PLXNB1: variants seen among roughly 807,000 people sequenced by gnomAD.
PLXNB1 encodes the protein plexin B1.
In PLXNB1, 106 loss-of-function variants were observed where a neutral mutation model predicts 209.4. The observed-to-expected ratio is 0.51, with a 90% CI of 0.43 to 0.59. The LOEUF is 0.59. Ranked by LOEUF, PLXNB1 falls within the 20% of genes least tolerant of loss-of-function variation. PLXNB1 has a pLI of 0.00. For missense variants in PLXNB1, 2,357 were observed against 2,853.2 expected (o/e 0.83, Z 3.96); for synonymous variants, 1,167 against 1,183.2 (o/e 0.99, Z 0.28).
Position 48,419,022 on chromosome 3 carries a change from A to T in PLXNB1, c.2850T>A (p.Asn950Lys). ...LHLFQDGPGD[N>K]ECVMELEGLE... ...GGCCCTCCAGCTCCATCACACACTC[A>T]TTGTCTCCTGGGCCATCCTGAGGGC... Residue 950 changes from asparagine (N) to lysine (K), a missense_variant, in exon 13 of 38, where the codon AAT becomes AAA. Around this residue, in one of 7 missense-constraint regions of PLXNB1, gnomAD observed 410 missense variants for 401.0 expected, o/e 1.02. Transcript: ENST00000296440. The surrounding 1 kb of genome is among the most constrained non-coding windows in gnomAD (Gnocchi z 5.7). The T allele has an allele frequency of 6.2e-7, 1 of 1,613,906 alleles. No homozygotes were observed. The highest frequency in any genetic ancestry group is 8.5e-7 in the Non-Finnish European group (1 of 1,179,954).
intron 37 of PLXNB1, among the ~76,000 whole-genome samples, chr3:48,404,953 G>A (rs952266409): frequency 2.6e-5 from 4 of 152,294 alleles, no homozygotes; most frequent in Middle Eastern, 6.8e-3. Flanking sequence ...GACCAGACAC[G>A]TGGTGGGAAA....
chr3:48,413,889 A>G lies in PLXNB1; in HGVS notation c.4386+6T>C. 1 of 1,606,916 alleles carries G rather than the reference A, an allele frequency of 6.2e-7. No individual in the cohort carries two copies. The highest frequency in any genetic ancestry group is 8.5e-7 in the Non-Finnish European group (1 of 1,175,112). On this transcript the variant is annotated splice_donor_region_variant and intron_variant, in intron 22 of 37. Coordinates refer to ENST00000296440, the MANE Select transcript of PLXNB1 (RefSeq NM_001130082.3). The surrounding 1 kb of genome is among the most constrained non-coding windows in gnomAD (Gnocchi z 5.4). The stretch of plus-strand genomic sequence containing the variant: ...GCCCAGCCCGGCCAGGGACCTGCCC[A>G]CTGACCGTGAACTCAGGCAAAGAGT...
Position 48,414,147 on chromosome 3 carries a change from C to T in PLXNB1, c.4210-76G>A, listed in dbSNP as rs995825897. ...TGTCCTCCCCAAATGTGGGAAGGAC[C>T]CTGAGACCCAGCCGCAGCAGCAAAG... On this transcript the variant is annotated intron_variant, in intron 21 of 37. Coordinates refer to ENST00000296440, the MANE Select transcript of PLXNB1 (RefSeq NM_001130082.3). 9.8e-6 allele frequency: 14 copies of T among 1,432,802 alleles called. No individual in the cohort carries two copies. The Admixed American group carries it at 2.4e-4, about 24-fold the overall frequency. 88.8% of individuals were successfully genotyped at this position (1,432,802 alleles called of 1,614,324 possible).
Position 48,405,324 on chromosome 3 carries a change from C to A in PLXNB1, c.6303+400G>T, listed in dbSNP as rs1163057869. On this transcript the variant is annotated intron_variant, in intron 37 of 37. Transcript: ENST00000296440. The surrounding 1 kb of genome is among the most constrained non-coding windows in gnomAD (Gnocchi z 5.0). ...AAAGCTTCACCAGCTCCAGTGTACCCTCACACCCCTGGCCCTGTGCCTGGA... is the reference window on the plus strand; with the variant it reads ...AAAGCTTCACCAGCTCCAGTGTACCATCACACCCCTGGCCCTGTGCCTGGA... 6.6e-6 allele frequency among the ~76,000 whole-genome samples: 1 copy of A among 152,208 alleles called. No homozygotes were observed. Among genetic ancestry groups the A allele is most frequent in the Non-Finnish European group, 1.5e-5 (1 of 68,044 alleles).
rs2038669958 is a variant in PLXNB1, at chr3:48,423,489, C to T, written c.1107+16G>A. On this transcript the variant is annotated intron_variant, in intron 3 of 37. Transcript: ENST00000296440. ...GCCTCAGAGAGGCGGAAAAGTGGGG[C>T]AATACTGGAACTCACCACTGGCAGC... 1.2e-6 allele frequency: 2 copies of T among 1,602,808 alleles called. No individual in the cohort carries two copies. Among genetic ancestry groups the T allele is most frequent in the East Asian group, 4.5e-5 (2 of 44,626 alleles).
chr3:48,417,831 G>A lies in PLXNB1; in HGVS notation c.3374+80C>T. 7.1e-7 allele frequency: 1 copy of A among 1,416,636 alleles called. No homozygotes were observed. 87.8% of individuals were successfully genotyped at this position (1,416,636 alleles called of 1,614,324 possible). On this transcript the variant is annotated intron_variant, in intron 16 of 37. Coordinates refer to ENST00000296440, the MANE Select transcript of PLXNB1 (RefSeq NM_001130082.3). The surrounding 1 kb of genome is among the most constrained non-coding windows in gnomAD (Gnocchi z 4.4). ...GGAGAGAGGGGGGCAGATGAGCGGT[G>A]GGTGGGAGGCCCCAAGCAGCAACGC...
Position 48,410,917 on chromosome 3 carries a change from A to T in PLXNB1, c.5367T>A (p.Tyr1789Ter). 6.2e-7 allele frequency: 1 copy of T among 1,613,670 alleles called. No individual in the cohort carries two copies. The highest frequency in any genetic ancestry group is 8.5e-7 in the Non-Finnish European group (1 of 1,179,826). The change falls in exon 29 of 38, where the codon TAT becomes TAA. Residue 1789 changes from tyrosine to a stop codon, truncating the protein, a stop_gained. Transcript: ENST00000296440. LOFTEE classifies it high-confidence loss of function. This position sits in a 1 kb window ranked among gnomAD's most constrained non-coding sequence, Gnocchi z 6.4. ...QAKEKMLDQL[Y>*]KGVPLTQRPD... ...GCCGCTGGGTGAGAGGCACTCCTTTATAAAGCTGGTCCAGCATCTTCTCCT... is the reference window on the plus strand; with the variant it reads ...GCCGCTGGGTGAGAGGCACTCCTTTTTAAAGCTGGTCCAGCATCTTCTCCT...
Position 48,416,178 on chromosome 3 carries a change from G to T in PLXNB1, c.3481-11C>A. 1.3e-6 allele frequency: 2 copies of T among 1,597,592 alleles called. No individual in the cohort carries two copies. Among genetic ancestry groups the T allele is most frequent in the Non-Finnish European group, 8.5e-7 (1 of 1,172,212 alleles). On this transcript the variant is annotated splice_polypyrimidine_tract_variant and intron_variant, in intron 17 of 37. Transcript: ENST00000296440. This position sits in a 1 kb window ranked among gnomAD's most constrained non-coding sequence, Gnocchi z 4.1. ...ATGGACCTTCGGATCCTGTGGGACA[G>T]ACAGGGAGAGAGATGAGCATCAGAC... is the stretch of plus-strand genomic sequence containing the variant.
At chr3:48,421,017 C>T (rs754105992) in intron 8 of PLXNB1, 61 bp from the exon 9 acceptor site, 163 of 1,428,286 alleles carry the variant, frequency 1.1e-4, no homozygotes, top group Non-Finnish European at 9.3e-5. Context: ...GACCCAGAGC[C>T]GATATCCTGA....
rs1560049220 is a variant in PLXNB1, at chr3:48,410,881, G to GC, written c.5402dup (p.Thr1802HisfsTer3). The GC allele has an allele frequency of 6.2e-7, 1 of 1,611,398 alleles. No homozygotes were observed. The highest frequency in any genetic ancestry group is 8.5e-7 in the Non-Finnish European group (1 of 1,178,960). ...CCACGCCCTCACCAACATCAAGGGT[G>GC]CGAGGGTCTGGCCGCTGGGTGAGAG... On this transcript the variant is annotated frameshift_variant, in exon 29 of 38. Coordinates refer to ENST00000296440, the MANE Select transcript of PLXNB1 (RefSeq NM_001130082.3). LOFTEE classifies it high-confidence loss of function. The surrounding 1 kb of genome is among the most constrained non-coding windows in gnomAD (Gnocchi z 6.4).
chr3:48,421,992 TG>T, intron 6 of PLXNB1, 112 bp downstream of exon 6: 1 of 1,289,680 alleles, frequency 7.8e-7, no homozygotes, highest in Non-Finnish European at 1.1e-6. Context: ...TTGGGGTGTC[TG>T]GGGATCAGGG....
At position 48,421,721 on chromosome 3, in the gene PLXNB1, C is replaced by T. The variant is rs777437553; in HGVS notation, c.1606G>A (p.Val536Met). Residue 536 changes from valine (V) to methionine (M), a missense_variant, in exon 7 of 38, where the codon GTG becomes ATG. Around this residue, in one of 7 missense-constraint regions of PLXNB1, gnomAD observed 214 missense variants for 297.1 expected, o/e 0.72. Coordinates refer to ENST00000296440, the MANE Select transcript of PLXNB1 (RefSeq NM_001130082.3). The part of the protein sequence containing the change: ...SFQPELGCLQ[V>M]AAMSPANISR... ...ATGTTGGCAGGACTCATGGCTGCCA[C>T]TTGCAGACAGCCCAGCTCAGGCTGG... The T allele has an allele frequency of 4.3e-6, 7 of 1,610,084 alleles. No individual in the cohort carries two copies. The highest frequency in any genetic ancestry group is 5.1e-6 in the Non-Finnish European group (6 of 1,176,768).
In PLXNB1 at chr3:48,415,706, G is replaced by A. The variant is rs778301118; in HGVS notation, c.3671C>T (p.Thr1224Met). The part of the protein sequence containing the change: ...QLRCETSPRP[T>M]PATLPVAVWF... ...CACAGCCACAGGGAGCGTGGCAGGCGTGGGGCGTGGGCTGGTCTCACACCG... is the reference window on the plus strand; with the variant it reads ...CACAGCCACAGGGAGCGTGGCAGGCATGGGGCGTGGGCTGGTCTCACACCG... The change falls in exon 19 of 38, where the codon ACG becomes ATG. Residue 1224 changes from threonine (T) to methionine (M), a missense_variant. Physicochemically the swap from Thr to Met is moderately conservative, Grantham distance 81. Coordinates refer to ENST00000296440, the MANE Select transcript of PLXNB1 (RefSeq NM_001130082.3). The surrounding 1 kb of genome is among the most constrained non-coding windows in gnomAD (Gnocchi z 5.0). 1.5e-5 allele frequency: 24 copies of A among 1,553,528 alleles called. No individual in the cohort carries two copies. The Admixed American group carries it at 3.9e-4, about 25-fold the overall frequency.
chr3:48,417,854 C>T lies in PLXNB1; in HGVS notation c.3374+57G>A, dbSNP rs2038201145. 10 of 1,547,956 alleles carry T rather than the reference C, an allele frequency of 6.5e-6. No individual in the cohort carries two copies. The highest frequency in any genetic ancestry group is 2.3e-5 in the East Asian group (1 of 44,150). On this transcript the variant is annotated intron_variant, in intron 16 of 37. Coordinates refer to ENST00000296440, the MANE Select transcript of PLXNB1 (RefSeq NM_001130082.3). This position sits in a 1 kb window ranked among gnomAD's most constrained non-coding sequence, Gnocchi z 4.4. ...GTGGGTGGGAGGCCCCAAGCAGCAA[C>T]GCCAACCGCGGAGGCCCCAGGCTGC...
chr3:48,410,891 G>A lies in PLXNB1; in HGVS notation c.5393C>T (p.Pro1798Leu), dbSNP rs564807349. The A allele has an allele frequency of 8.1e-6, 13 of 1,612,530 alleles. No homozygotes were observed. Among genetic ancestry groups the A allele is most frequent in the Admixed American group, 1.7e-5 (1 of 59,840 alleles). ...ACCAACATCAAGGGTGCGAGGGTCT[G>A]GCCGCTGGGTGAGAGGCACTCCTTT... Reference protein sequence around the residue: ...LYKGVPLTQRPDPRTLDVEWR... With the variant: ...LYKGVPLTQRLDPRTLDVEWR... Residue 1798 changes from proline (P) to leucine (L), a missense_variant, in exon 29 of 38, where the codon CCA becomes CTA. Pro to Leu is a moderately conservative substitution (Grantham distance 98, BLOSUM62 -3). Transcript: ENST00000296440. This position sits in a 1 kb window ranked among gnomAD's most constrained non-coding sequence, Gnocchi z 6.4.
chr3:48,425,990 G>A (rs550766414), intron 1 of PLXNB1, among the ~76,000 whole-genome samples: 74 of 152,110 alleles, frequency 4.9e-4, no homozygotes, highest in African/African-American at 1.7e-3. Context: ...ACACTCACCC[G>A]AGACATTCAG....
rs1181522856 is a variant in PLXNB1 at position 48,417,793 on chromosome 3, G to A, written c.3374+118C>T. 2 of 1,153,716 alleles carry A rather than the reference G, an allele frequency of 1.7e-6. No individual in the cohort carries two copies. The highest frequency in any genetic ancestry group is 2.5e-6 in the Non-Finnish European group (2 of 809,064). The allele number at this position is 1,153,716 out of a possible 1,614,324, so 71.5% of individuals were successfully genotyped here. A position where few individuals can be genotyped will look rare whatever the true frequency, so the allele number is the denominator to read the frequency against. On this transcript the variant is annotated intron_variant, in intron 16 of 37. Transcript: ENST00000296440. This position sits in a 1 kb window ranked among gnomAD's most constrained non-coding sequence, Gnocchi z 4.4. Reference sequence around the variant, plus strand: ...GCTGGCACTCGGGCATTGTGGCCAGGATCAAGGAACAGGGAGAGAGGGGGG... The same window carrying A: ...GCTGGCACTCGGGCATTGTGGCCAGAATCAAGGAACAGGGAGAGAGGGGGG...
intron 21 of PLXNB1, 98 bp downstream of exon 21, chr3:48,414,701 C>G (rs1208054306): frequency 1.1e-5 from 16 of 1,453,276 alleles, no homozygotes; most frequent in Non-Finnish European, 1.5e-5. Flanking sequence ...ATCCACCGGC[C>G]CTTGCTCTAC....
chr3:48,419,492 C>G lies in PLXNB1; in HGVS notation c.2709+85G>C. 1 of 1,508,302 alleles carries G rather than the reference C, an allele frequency of 6.6e-7. No homozygotes were observed. Among genetic ancestry groups the G allele is most frequent in the South Asian group, 1.3e-5 (1 of 78,202 alleles). The allele number at this position is 1,508,302 out of a possible 1,614,324, so 93.4% of individuals were successfully genotyped here. Reference sequence around the variant, plus strand: ...ACTCCACCCTGCCCCTCACCTCCTCCCAGTGCAGAATCACAAGGCAAGCTA... The same window carrying G: ...ACTCCACCCTGCCCCTCACCTCCTCGCAGTGCAGAATCACAAGGCAAGCTA... On this transcript the variant is annotated intron_variant, in intron 11 of 37. Transcript: ENST00000296440. The surrounding 1 kb of genome is among the most constrained non-coding windows in gnomAD (Gnocchi z 5.7).
Sources: gnomAD v4.1 joint callset for allele counts (sites outside exome capture counted in the v4.1 genomes callset) on GRCh38, gnomAD v4.1.1 for gene constraint, gnomAD v4.1.1 regional missense constraint, Gnocchi (gnomAD v3.1) non-coding constraint, MANE v1.5 for transcripts, NCBI Gene and HGNC (gene_info 2026-07-23, HGNC 2026-07-21) for gene names.